AKAP6: variants seen among roughly 807,000 people sequenced by gnomAD.
AKAP6 encodes the protein A-kinase anchoring protein 6.
Under a neutral mutation model 188.5 loss-of-function variants are expected in AKAP6, and 58 were observed. That is an observed-to-expected ratio of 0.31 (90% CI 0.25 to 0.38). The LOEUF (loss-of-function observed/expected upper bound fraction) is 0.38, where lower values mean the gene tolerates loss of function less well. AKAP6 is among the 10% of genes least tolerant of loss of function. The pLI, the probability that AKAP6 is intolerant of heterozygous loss-of-function variation, is 1.00. For missense variants in AKAP6, 2,710 were observed against 2,740.0 expected (o/e 0.99, Z 0.24); for synonymous variants, 989 against 998.6 (o/e 0.99, Z 0.18).
intron 2 of AKAP6, among the ~76,000 whole-genome samples, chr14:32,465,393 A>G (rs572876937): frequency 6.6e-6 from 1 of 152,242 alleles, no homozygotes; most frequent in Non-Finnish European, 1.5e-5. Context: ...AAACAGATAT[A>G]TAGACCAATG....
chr14:32,404,691 G>GATAGAGATATATATATATATATAT, intron 1 of AKAP6, among the ~76,000 whole-genome samples: 1 of 44,432 alleles, frequency 2.3e-5, no homozygotes, highest in Non-Finnish European at 4.6e-5. Flanking sequence ...GGAGTCAGGA[G>GATAGAGATATATATATATATATAT]ATATATATAT....
chr14:32,337,368 A>G (rs1188555000), intron 1 of AKAP6, among the ~76,000 whole-genome samples: 1 of 152,176 alleles, frequency 6.6e-6, no homozygotes, highest in East Asian at 1.9e-4. Context: ...CAGCTTCTAG[A>G]ACACTGTAGA....
intron 7 of AKAP6, among the ~76,000 whole-genome samples, chr14:32,666,328 A>G (rs1888933080): frequency 6.6e-6 from 1 of 151,892 alleles, no homozygotes; most frequent in South Asian, 2.1e-4. Flanking sequence ...AAATATTTTT[A>G]TATTCTCATC....
At chr14:32,541,518 C>A (rs59564739) in intron 3 of AKAP6, among the ~76,000 whole-genome samples, 1 of 152,030 alleles carries the variant, frequency 6.6e-6, no homozygotes, top group Admixed American at 6.6e-5. Flanking sequence ...AGTTTGGAGT[C>A]TAATTTTTAC....
intron 1 of AKAP6, among the ~76,000 whole-genome samples, chr14:32,406,028 G>A (rs1007202513): frequency 2.6e-5 from 4 of 152,134 alleles, no homozygotes; most frequent in Non-Finnish European, 4.4e-5. Context: ...GTTTAAACAA[G>A]GAATAGGTAG....
rs1238470857 is a variant in AKAP6, at chr14:32,568,004, G to A, written c.2347-9116G>A. On this transcript the variant is annotated intron_variant, in intron 4 of 13. Coordinates refer to ENST00000280979, the MANE Select transcript of AKAP6 (RefSeq NM_004274.5). This position sits in a 1 kb window ranked among gnomAD's most constrained non-coding sequence, Gnocchi z 6.2. ...ACAAAGGAGGGGAGGGGCTGGAGAA[G>A]AGGAAAGAGAAAAAAGAGGCAAAAC... Among the ~76,000 whole-genome samples the A allele has an allele frequency of 6.6e-6, 1 of 151,914 alleles. No individual in the cohort carries two copies. Among genetic ancestry groups the A allele is most frequent in the African/African-American group, 2.4e-5 (1 of 41,376 alleles).
intron 1 of AKAP6, among the ~76,000 whole-genome samples, chr14:32,336,926 G>T (rs183766739): frequency 6.6e-6 from 1 of 152,182 alleles, no homozygotes; most frequent in Non-Finnish European, 1.5e-5. Flanking sequence ...TAGCATAAAA[G>T]TAGCCCATGG....
chr14:32,828,294 G>C (rs571422517), intron 13 of AKAP6, among the ~76,000 whole-genome samples: 4 of 152,226 alleles, frequency 2.6e-5, no homozygotes, highest in Non-Finnish European at 4.4e-5. Flanking sequence ...TCCAAAGCTG[G>C]TCAACTAGGT....
intron 9 of AKAP6, among the ~76,000 whole-genome samples, chr14:32,721,302 C>T (rs114249321): frequency 1.4e-3 from 215 of 152,300 alleles, no homozygotes; most frequent in African/African-American, 5.1e-3. Context: ...CAATTATGCC[C>T]ATGCTGCTGG....
chr14:32,623,224 TTTG>T lies in AKAP6; in HGVS notation c.2730+22444_2730+22446del, dbSNP rs150493143. Among the ~76,000 whole-genome samples, 602 of 152,250 alleles carry T rather than the reference TTTG, an allele frequency of 4.0e-3. 4 individuals carry two copies. The highest frequency in any genetic ancestry group is 0.014 in the African/African-American group (574 of 41,560). ...GAAATCTTGAAATATGTTTTCAATA[TTTG>T]TTGTTGTTGTTAGTGGGAAATCATT... On this transcript the variant is annotated intron_variant, in intron 7 of 13. Transcript: ENST00000280979.
chr14:32,474,718 C>T (rs538722257), intron 2 of AKAP6, among the ~76,000 whole-genome samples: 2 of 152,292 alleles, frequency 1.3e-5, no homozygotes, highest in South Asian at 4.1e-4. Flanking sequence ...GAATATGTTT[C>T]CAGTTCATTT....
chr14:32,614,400 C>G (rs1335021439), intron 7 of AKAP6, among the ~76,000 whole-genome samples: 2 of 152,168 alleles, frequency 1.3e-5, no homozygotes, highest in African/African-American at 4.8e-5. Context: ...AGCAGACTTT[C>G]TCTCATAACA....
chr14:32,681,091 T>TC (rs1889654863), intron 8 of AKAP6, among the ~76,000 whole-genome samples: 1 of 152,232 alleles, frequency 6.6e-6, no homozygotes, highest in South Asian at 2.1e-4. Context: ...TGCCTTTTTT[T>TC]CATCCAATAA....
chr14:32,646,073 T>C (rs908445329), intron 7 of AKAP6, among the ~76,000 whole-genome samples: 3 of 152,074 alleles, frequency 2.0e-5, no homozygotes, highest in African/African-American at 4.8e-5. Context: ...CCAACTCTTC[T>C]GGTTGTGATT....
intron 8 of AKAP6, among the ~76,000 whole-genome samples, chr14:32,688,599 T>A (rs1890031487): frequency 6.6e-6 from 1 of 152,144 alleles, no homozygotes. Context: ...CTATATCAGA[T>A]GACGCACAAC....
At chr14:32,757,461 T>C (rs1262451863) in intron 11 of AKAP6, among the ~76,000 whole-genome samples, 1 of 152,192 alleles carries the variant, frequency 6.6e-6, no homozygotes, top group Non-Finnish European at 1.5e-5. Context: ...ATGCTAACTG[T>C]TGGATCAGCC....
intron 11 of AKAP6, among the ~76,000 whole-genome samples, chr14:32,757,520 A>C (rs2032382569): frequency 6.6e-6 from 1 of 152,250 alleles, no homozygotes; most frequent in African/African-American, 2.4e-5. Context: ...AAGGCATTGT[A>C]AGTAATAGAA....
intron 7 of AKAP6, among the ~76,000 whole-genome samples, chr14:32,611,065 A>G (rs147670429): frequency 6.6e-6 from 1 of 152,292 alleles, no homozygotes; most frequent in African/African-American, 2.4e-5. Context: ...GAGGCAAAGC[A>G]GTGGCTGTGC....
chr14:32,562,731 C>T (rs1884007863), intron 4 of AKAP6, among the ~76,000 whole-genome samples: 1 of 151,920 alleles, frequency 6.6e-6, no homozygotes, highest in South Asian at 2.1e-4. Flanking sequence ...GCACTCCAGC[C>T]CAGGTGACAG....
Sources: allele counts gnomAD v4.1 joint callset (sites outside exome capture counted in the v4.1 genomes callset), GRCh38; gene constraint gnomAD v4.1.1; non-coding constraint Gnocchi (gnomAD v3.1); transcripts MANE v1.5; gene names NCBI Gene and HGNC (gene_info 2026-07-23, HGNC 2026-07-21).